WDR91: variants seen among roughly 807,000 people sequenced by gnomAD.
WDR91 encodes the protein WD repeat domain 91.
A neutral mutation model predicts 88.4 loss-of-function variants in WDR91; 52 were observed. That is an observed-to-expected ratio of 0.59 (90% CI 0.47 to 0.74). The LOEUF (loss-of-function observed/expected upper bound fraction) is 0.74. WDR91 is among the 30% of genes least tolerant of loss of function. WDR91 has a pLI of 0.00. For missense variants in WDR91, 824 were observed against 954.5 expected, an observed-to-expected ratio of 0.86 and a Z score of 1.80; for synonymous variants, 362 against 389.5, an observed-to-expected ratio of 0.93 and a Z score of 0.83.
chr7:135,207,677 G>C (rs1831848195), intron 3 of WDR91, among the ~76,000 whole-genome samples: 1 of 152,204 alleles, frequency 6.6e-6, no homozygotes, highest in South Asian at 2.1e-4. Context: ...GCAAAGGTTT[G>C]GACTGAGAAG....
At chr7:135,192,154 G>A (rs1831194625) in intron 11 of WDR91, among the ~76,000 whole-genome samples, 1 of 133,652 alleles carries the variant, frequency 7.5e-6, no homozygotes, top group African/African-American at 2.9e-5. Context: ...GTCTCACTCT[G>A]TCACCCAGGC....
Position 135,196,403 on chromosome 7 carries a change from A to AG in WDR91, c.1051-67dup. ...TCCCCCACACCAGGGTGTACACCGC[A>AG]GGGGGTCTAGGCCTAGGCTGCAGCA... is the stretch of plus-strand genomic sequence containing the variant. On this transcript the variant is annotated intron_variant, in intron 7 of 14. Coordinates refer to ENST00000354475, the MANE Select transcript of WDR91 (RefSeq NM_014149.4). The surrounding 1 kb of genome is among the most constrained non-coding windows in gnomAD (Gnocchi z 4.2). The AG allele has an allele frequency of 7.1e-7, 1 of 1,410,456 alleles. No homozygotes were observed. Among genetic ancestry groups the AG allele is most frequent in the Non-Finnish European group, 9.4e-7 (1 of 1,067,424 alleles). 87.4% of individuals were successfully genotyped at this position (1,410,456 alleles called of 1,614,324 possible). A position where few individuals can be genotyped will look rare whatever the true frequency, so the allele number is the denominator to read the frequency against.
Position 135,211,517 on chromosome 7 carries a change from C to G in WDR91, c.-15G>C, listed in dbSNP as rs1832024237. 1.2e-6 allele frequency: 2 copies of G among 1,606,860 alleles called. No individual in the cohort carries two copies. Among genetic ancestry groups the G allele is most frequent in the Non-Finnish European group, 1.7e-6 (2 of 1,178,508 alleles). On this transcript the variant is annotated 5_prime_UTR_variant, in exon 1 of 15. Coordinates refer to ENST00000354475, the MANE Select transcript of WDR91 (RefSeq NM_014149.4). Reference sequence around the variant, plus strand: ...GCCTCCGCCATCGCAGCGCTAGCGTCTTTAGGGGTGGTGCGGTGAGGGACG... The same window carrying G: ...GCCTCCGCCATCGCAGCGCTAGCGTGTTTAGGGGTGGTGCGGTGAGGGACG...
chr7:135,186,074 C>A lies in WDR91; in HGVS notation c.*77G>T. 6.9e-7 allele frequency: 1 copy of A among 1,459,274 alleles called. No individual in the cohort carries two copies. Among genetic ancestry groups the A allele is most frequent in the Non-Finnish European group, 9.1e-7 (1 of 1,098,918 alleles). The allele number at this position is 1,459,274 out of a possible 1,614,324, so 90.4% of individuals were successfully genotyped here. On this transcript the variant is annotated 3_prime_UTR_variant, in exon 15 of 15. Coordinates refer to ENST00000354475, the MANE Select transcript of WDR91 (RefSeq NM_014149.4). Reference sequence around the variant, plus strand: ...ACTGGCAGGGAGCTGGAGTGGAGCACGTGGTTTTCCTGTCCTATATCTCCT... The same window carrying A: ...ACTGGCAGGGAGCTGGAGTGGAGCAAGTGGTTTTCCTGTCCTATATCTCCT...
At chr7:135,189,580 G>T in intron 11 of WDR91, 128 bp from the exon 12 acceptor site, 1 of 683,360 alleles carries the variant, frequency 1.5e-6, no homozygotes, top group Non-Finnish European at 2.4e-6. Context: ...ATCTGGAAAT[G>T]TAGATCTGAG....
At position 135,195,100 on chromosome 7, in the gene WDR91, A is replaced by G; in HGVS notation, c.1245-16T>C. ...GCAGTCCACTCTGAGATGAGAGAAA[A>G]GGGAGGCCTGTCAGCTGGCCTCTCA... On this transcript the variant is annotated splice_polypyrimidine_tract_variant and intron_variant, in intron 8 of 14. Transcript: ENST00000354475. 1.2e-6 allele frequency: 2 copies of G among 1,608,902 alleles called. No homozygotes were observed. The highest frequency in any genetic ancestry group is 2.2e-5 in the South Asian group (2 of 90,318).
At chr7:135,187,771 C>T (rs1831007718) in intron 13 of WDR91, among the ~76,000 whole-genome samples, 1 of 152,204 alleles carries the variant, frequency 6.6e-6, no homozygotes, top group African/African-American at 2.4e-5. Context: ...CTGAGCATCC[C>T]ACATAACAAG....
intron 11 of WDR91, among the ~76,000 whole-genome samples, chr7:135,190,741 T>C (rs1332591516): frequency 6.6e-6 from 1 of 151,994 alleles, no homozygotes; most frequent in Non-Finnish European, 1.5e-5. Flanking sequence ...TCCTAATAAA[T>C]AGATGAAACA....
chr7:135,205,521 G>GC (rs1391225842), intron 5 of WDR91, among the ~76,000 whole-genome samples: 2 of 152,198 alleles, frequency 1.3e-5, no homozygotes, highest in Non-Finnish European at 2.9e-5. Context: ...ACTTTGGGAG[G>GC]CCAAGGCAGG....
chr7:135,194,991 G>C lies in WDR91; in HGVS notation c.1338C>G (p.Ser446=). 1 of 1,614,150 alleles carries C rather than the reference G, an allele frequency of 6.2e-7. No individual in the cohort carries two copies. The change falls in exon 9 of 15, where the codon TCC becomes TCG. Residue 446 remains serine (S), a synonymous_variant. Coordinates refer to ENST00000354475, the MANE Select transcript of WDR91 (RefSeq NM_014149.4). ...SFNPIMQTKA[S]SISKSPLLSL... ...ACAGCAGCGGTGATTTGGAAATGGA[G>C]GATGCTTTGGTCTGCATGATGGGGT...
At chr7:135,207,255 C>A in intron 3 of WDR91, 53 bp from the exon 4 acceptor site, 1 of 1,497,884 alleles carries the variant, frequency 6.7e-7, no homozygotes, top group South Asian at 1.1e-5. Context: ...ACGTCCTTCC[C>A]AAACCCTTGA....
At chr7:135,194,819 T>C in intron 9 of WDR91, 115 bp downstream of exon 9, 1 of 1,396,376 alleles carries the variant, frequency 7.2e-7, no homozygotes, top group Non-Finnish European at 9.8e-7. Context: ...GAATCCCCAA[T>C]AATGGAGAGA....
chr7:135,186,275 A>G lies in WDR91; in HGVS notation c.2120T>C (p.Leu707Pro). The G allele has an allele frequency of 6.2e-7, 1 of 1,612,926 alleles. No homozygotes were observed. Among genetic ancestry groups the G allele is most frequent in the East Asian group, 2.2e-5 (1 of 44,720 alleles). ...DEKVLESCLSLGGHRAPVVTV... is the reference protein window; with the variant it reads ...DEKVLESCLSPGGHRAPVVTV... ...GACCACAGGGGCTCGGTGGCCACCT[A>G]GGCTCAAGCAGCTCTCCAGAACCTT... Residue 707 changes from leucine (L) to proline (P), a missense_variant, in exon 15 of 15, where the codon CTA becomes CCA. Transcript: ENST00000354475.
At chr7:135,204,244 TAG>T in intron 6 of WDR91, 22 bp downstream of exon 6, 3 of 1,611,472 alleles carry the variant, frequency 1.9e-6, no homozygotes, top group Non-Finnish European at 1.7e-6. Context: ...TGGCCAGAGT[TAG>T]AGAGGCAGGA....
intron 6 of WDR91, chr7:135,200,303 G>A (rs1831525384): frequency 6.6e-6 from 1 of 152,184 alleles, no homozygotes; most frequent in African/African-American, 2.4e-5. Context: ...AAAGGAAAAA[G>A]GGGTAAAGTC....
At chr7:135,192,698 C>A (rs140473501) in intron 11 of WDR91, among the ~76,000 whole-genome samples, 6 of 152,334 alleles carry the variant, frequency 3.9e-5, no homozygotes, top group Non-Finnish European at 7.3e-5. Flanking sequence ...GACTTGTAAG[C>A]AGTGAAACGA....
intron 14 of WDR91, among the ~76,000 whole-genome samples, chr7:135,186,596 T>C (rs292553): frequency 0.67 from 101,757 of 152,214 alleles, 34,960 homozygotes; most frequent in Admixed American, 0.79. Context: ...GCACGCACAC[T>C]GGTTGTTCTC....
chr7:135,211,526 T>TGGTGCGGCGAGGGAC (rs1554403601), upstream of WDR91: 2 of 1,607,818 alleles, frequency 1.2e-6, no homozygotes, highest in African/African-American at 2.7e-5. Context: ...TCTTTAGGGG[T>TGGTGCGGCGAGGGAC]GGTGCGGTGA....
chr7:135,186,009 C>G lies in WDR91; in HGVS notation c.*142G>C. ...ATTCCAGTCACCACAGATGGAAGCACCTGAGCCTCCTTGCCAGTCTTTCCC... is the reference window on the plus strand; with the variant it reads ...ATTCCAGTCACCACAGATGGAAGCAGCTGAGCCTCCTTGCCAGTCTTTCCC... On this transcript the variant is annotated 3_prime_UTR_variant, in exon 15 of 15. Coordinates refer to ENST00000354475, the MANE Select transcript of WDR91 (RefSeq NM_014149.4). 2.0e-6 allele frequency: 2 copies of G among 985,476 alleles called. No homozygotes were observed. The highest frequency in any genetic ancestry group is 2.8e-6 in the Non-Finnish European group (2 of 707,292). 61.0% of individuals were successfully genotyped at this position (985,476 alleles called of 1,614,324 possible).
Sources: allele counts gnomAD v4.1 joint callset (sites outside exome capture counted in the v4.1 genomes callset), GRCh38; gene constraint gnomAD v4.1.1; non-coding constraint Gnocchi (gnomAD v3.1); transcripts MANE v1.5; gene names NCBI Gene and HGNC (gene_info 2026-07-23, HGNC 2026-07-21).